Variants in CNTN3 observed in about 807,000 individuals in gnomAD.
CNTN3 encodes contactin 3, also known as contactin-3.
CNTN3 carries 60 observed loss-of-function variants against 119.1 expected under a neutral mutation model. That is an observed-to-expected ratio of 0.50 (90% confidence interval 0.41 to 0.62). The LOEUF is 0.62. Among genes scored for constraint, CNTN3 ranks in the 20% least tolerant of loss-of-function variants. CNTN3 has a pLI of 0.00. For missense variants in CNTN3, 1,101 were observed against 1,242.4 expected, an observed-to-expected ratio of 0.89 and a Z score of 1.71; for synonymous variants, 450 against 438.7, an observed-to-expected ratio of 1.03 and a Z score of -0.32.
intron 22 of CNTN3, among the ~76,000 whole-genome samples, chr3:74,265,397 G>T (rs1701645348): frequency 6.6e-6 from 1 of 151,944 alleles, no homozygotes; most frequent in South Asian, 2.1e-4. Flanking sequence ...CACCATTCAG[G>T]GAACAAGAAG....
chr3:74,458,452 A>T (rs1177287104), intron 4 of CNTN3, among the ~76,000 whole-genome samples: 1 of 151,988 alleles, frequency 6.6e-6, no homozygotes, highest in African/African-American at 2.4e-5. Flanking sequence ...AAATTATATG[A>T]AACAAAAATT....
intron 11 of CNTN3, among the ~76,000 whole-genome samples, chr3:74,343,662 T>C (rs1219430754): frequency 2.0e-5 from 3 of 152,224 alleles, no homozygotes; most frequent in African/African-American, 4.8e-5. Context: ...GCAGTCTTGG[T>C]AGGGCTATGA....
chr3:74,446,967 T>C (rs1702060681), intron 4 of CNTN3, among the ~76,000 whole-genome samples: 1 of 152,176 alleles, frequency 6.6e-6, no homozygotes, highest in African/African-American at 2.4e-5. Context: ...TAATACAAAA[T>C]AGTTGAAAAG....
At chr3:74,523,223 T>C (rs1703568579) in intron 1 of CNTN3, among the ~76,000 whole-genome samples, 1 of 151,876 alleles carries the variant, frequency 6.6e-6, no homozygotes, top group African/African-American at 2.4e-5. Flanking sequence ...GTTTTTCTTC[T>C]AATCATGCAT....
At chr3:74,469,791 G>A (rs1008874409) in intron 4 of CNTN3, among the ~76,000 whole-genome samples, 5 of 152,112 alleles carry the variant, frequency 3.3e-5, no homozygotes, top group Non-Finnish European at 7.4e-5. Flanking sequence ...ACAGTCTGCC[G>A]TTTACTTAAA....
At chr3:74,456,162 G>T (rs571706873) in intron 4 of CNTN3, among the ~76,000 whole-genome samples, 1 of 152,044 alleles carries the variant, frequency 6.6e-6, no homozygotes, top group Admixed American at 6.6e-5. Flanking sequence ...AGGAAATGGG[G>T]TGGGAAGACA....
At chr3:74,603,979 T>TCAGAA (rs1211219892) in intron 1 of CNTN3, among the ~76,000 whole-genome samples, 1 of 151,970 alleles carries the variant, frequency 6.6e-6, no homozygotes, top group East Asian at 1.9e-4. Flanking sequence ...GCATATCCCA[T>TCAGAA]CAGAACAGAA....
chr3:74,467,026 A>G (rs1354492768), intron 4 of CNTN3, among the ~76,000 whole-genome samples: 1 of 152,152 alleles, frequency 6.6e-6, no homozygotes, highest in Non-Finnish European at 1.5e-5. Context: ...ATTTTTTAAA[A>G]CTATATCTTT....
chr3:74,458,805 TA>T (rs2106967513), intron 4 of CNTN3, among the ~76,000 whole-genome samples: 1 of 152,130 alleles, frequency 6.6e-6, no homozygotes, highest in Non-Finnish European at 1.5e-5. Flanking sequence ...ATCTATACAC[TA>T]AATGGTGTGA....
chr3:74,393,104 A>G (rs1441022997), intron 5 of CNTN3, among the ~76,000 whole-genome samples: 2 of 152,166 alleles, frequency 1.3e-5, no homozygotes. Flanking sequence ...CATCTGCCAT[A>G]TTTAACTTAT....
At chr3:74,435,933 C>CA (rs1375406800) in intron 4 of CNTN3, among the ~76,000 whole-genome samples, 4 of 152,186 alleles carry the variant, frequency 2.6e-5, no homozygotes, top group African/African-American at 9.7e-5. Context: ...CCTCTACACA[C>CA]AGAGTTCAGT....
chr3:74,498,764 G>C (rs1048901739), intron 3 of CNTN3, among the ~76,000 whole-genome samples: 2 of 151,730 alleles, frequency 1.3e-5, no homozygotes, highest in Admixed American at 6.6e-5. Context: ...TATAGAAAAG[G>C]TTTTGTCAAG....
intron 1 of CNTN3, among the ~76,000 whole-genome samples, chr3:74,588,372 A>C (rs1269492949): frequency 2.0e-5 from 3 of 152,158 alleles, no homozygotes; most frequent in Non-Finnish European, 4.4e-5. Context: ...CAAAGAGAAT[A>C]AAATACCTAG....
At chr3:74,316,927 C>CAA (rs144929614) in intron 13 of CNTN3, among the ~76,000 whole-genome samples, 3 of 128,786 alleles carry the variant, frequency 2.3e-5, no homozygotes, top group African/African-American at 8.6e-5. Flanking sequence ...GACTCCATCT[C>CAA]AAAAAAAAAA....
intron 4 of CNTN3, among the ~76,000 whole-genome samples, chr3:74,480,829 G>T (rs1348343769): frequency 2.0e-5 from 3 of 151,808 alleles, no homozygotes; most frequent in African/African-American, 7.2e-5. Flanking sequence ...CATTGTTGGA[G>T]ATATTGATTA....
At chr3:74,390,030 T>C (rs1575679999) in intron 5 of CNTN3, among the ~76,000 whole-genome samples, 3 of 152,200 alleles carry the variant, frequency 2.0e-5, no homozygotes, top group Admixed American at 6.5e-5. Flanking sequence ...TCTGTTCTTT[T>C]AAACTGACCG....
intron 1 of CNTN3, among the ~76,000 whole-genome samples, chr3:74,551,867 G>A (rs1043930726): frequency 2.1e-5 from 3 of 145,370 alleles, no homozygotes; most frequent in Non-Finnish European, 4.5e-5. Context: ...GGGTTCCAGA[G>A]ATTGTCCTGT....
intron 5 of CNTN3, among the ~76,000 whole-genome samples, chr3:74,408,119 T>C (rs764445321): frequency 2.6e-5 from 4 of 152,156 alleles, no homozygotes; most frequent in Non-Finnish European, 4.4e-5. Context: ...ATCAACAACA[T>C]TGGAATAAAT....
chr3:74,330,213 G>A (rs115281819), intron 13 of CNTN3, among the ~76,000 whole-genome samples: 16 of 152,104 alleles, frequency 1.1e-4, no homozygotes, highest in East Asian at 3.9e-4. Flanking sequence ...AAAATTAGCC[G>A]GACACGGTGG....
Sources: allele counts gnomAD v4.1 joint callset (sites outside exome capture counted in the v4.1 genomes callset), GRCh38; gene constraint gnomAD v4.1.1; transcripts MANE v1.5; gene names NCBI Gene and HGNC (gene_info 2026-07-23, HGNC 2026-07-21).